The following DCUN1D5 variants were observed in gnomAD, a reference collection of about 807,000 sequenced individuals.
The protein encoded by DCUN1D5 is DCN1-like protein 5.
Under a neutral mutation model 38.3 loss-of-function variants are expected in DCUN1D5, and 10 were observed. The ratio of observed to expected loss-of-function variants is 0.26; its 90% CI spans 0.16 to 0.44. The LOEUF (loss-of-function observed/expected upper bound fraction) is 0.44, where lower values mean the gene tolerates loss of function less well. DCUN1D5 is among the 20% of genes least tolerant of loss of function. The probability of loss-of-function intolerance (pLI) is 1.00; values close to 1 mark genes in which losing one functional copy is unlikely to be tolerated. For synonymous variants in DCUN1D5, 93 were observed against 90.9 expected, an observed-to-expected ratio of 1.02 and a Z score of -0.13; for missense variants, 148 against 275.3, an observed-to-expected ratio of 0.54 and a Z score of 3.27.
At chr11:103,067,156 AAAC>A (rs1862154856) in intron 4 of DCUN1D5, among the ~76,000 whole-genome samples, 2 of 152,226 alleles carry the variant, frequency 1.3e-5, no homozygotes, top group African/African-American at 4.8e-5. Flanking sequence ...AAAAGCATGC[AAAC>A]AACAAGTCAT....
chr11:103,079,965 A>C (rs1862514088), intron 4 of DCUN1D5: 1 of 152,190 alleles, frequency 6.6e-6, no homozygotes, highest in Middle Eastern at 3.2e-3. Context: ...ATTCTTTCAC[A>C]CAAAAAGGAA....
In DCUN1D5 at chr11:103,091,957, T is replaced by A. The variant is rs554527970; in HGVS notation, c.-85A>T. 7 of 1,312,400 alleles carry A rather than the reference T, an allele frequency of 5.3e-6. No homozygotes were observed. Among genetic ancestry groups the A allele is most frequent in the East Asian group, 4.7e-5 (2 of 42,618 alleles). 81.3% of individuals were successfully genotyped at this position (1,312,400 alleles called of 1,614,324 possible). A position where few individuals can be genotyped will look rare whatever the true frequency, so the allele number is the denominator to read the frequency against. On this transcript the variant is annotated 5_prime_UTR_variant, in exon 1 of 8. Transcript: ENST00000260247. The surrounding 1 kb of genome is among the most constrained non-coding windows in gnomAD (Gnocchi z 4.3). ...GAAGCCCCTCAGCGCTGGCACCCAGTTCCCAGAGACAGCAGCAAGCGGAGG... is the reference window on the plus strand; with the variant it reads ...GAAGCCCCTCAGCGCTGGCACCCAGATCCCAGAGACAGCAGCAAGCGGAGG...
Position 103,066,573 on chromosome 11 carries a change from A to G in DCUN1D5, c.342-6T>C. On this transcript the variant is annotated splice_region_variant and splice_polypyrimidine_tract_variant and intron_variant, in intron 4 of 7. Coordinates refer to ENST00000260247, the MANE Select transcript of DCUN1D5 (RefSeq NM_032299.4). This position sits in a 1 kb window ranked among gnomAD's most constrained non-coding sequence, Gnocchi z 4.7. ...ACTTTTCTGTGCAGTCACACCTTAA[A>G]TAAAAGAAATATCAAACAAATTACA... 6.5e-7 allele frequency: 1 copy of G among 1,542,292 alleles called. No homozygotes were observed. Among genetic ancestry groups the G allele is most frequent in the South Asian group, 1.1e-5 (1 of 87,726 alleles).
At position 103,057,263 on chromosome 11, in the gene DCUN1D5, AGTTT is replaced by A. The variant is rs1291933382; in HGVS notation, c.*5092_*5095del. 5.9e-5 allele frequency among the ~76,000 whole-genome samples: 9 copies of A among 152,216 alleles called. No homozygotes were observed. The highest frequency in any genetic ancestry group is 1.9e-4 in the East Asian group (1 of 5,200). On this transcript the variant is annotated 3_prime_UTR_variant, in exon 8 of 8. Transcript: ENST00000260247. The surrounding 1 kb of genome is among the most constrained non-coding windows in gnomAD (Gnocchi z 4.8). Reference sequence around the variant, plus strand: ...TTAATTCTGCTAAGTTTGATAAGTTAGTTTAAGTCTCAAATGACAAGTTGCTCAA... The same window carrying A: ...TTAATTCTGCTAAGTTTGATAAGTTAAAGTCTCAAATGACAAGTTGCTCAA...
At position 103,066,517 on chromosome 11, in the gene DCUN1D5, T is replaced by C. The variant is rs920444569; in HGVS notation, c.392A>G (p.Gln131Arg). The change falls in exon 5 of 8, where the codon CAG becomes CGG. Residue 131 changes from glutamine to arginine, a missense_variant. Physicochemically the swap from Gln to Arg is conservative, Grantham distance 43. Coordinates refer to ENST00000260247, the MANE Select transcript of DCUN1D5 (RefSeq NM_032299.4). This position sits in a 1 kb window ranked among gnomAD's most constrained non-coding sequence, Gnocchi z 4.7. The stretch of plus-strand genomic sequence containing the variant: ...CTTAAATGACGAAATATCATTCAAC[T>C]GTGAGCGCAAAAAGTCAAATTTGTT... Reference protein sequence around the residue: ...LQNKFDFLRSQLNDISSFKNI... With the variant: ...LQNKFDFLRSRLNDISSFKNI... The C allele has an allele frequency of 6.2e-7, 1 of 1,612,790 alleles. No individual in the cohort carries two copies. Among genetic ancestry groups the C allele is most frequent in the African/African-American group, 1.3e-5 (1 of 74,900 alleles).
chr11:103,059,601 A>G lies in DCUN1D5; in HGVS notation c.*2758T>C, dbSNP rs1861960901. ...TATCAGCAGCATTTAAGAAATAAGA[A>G]ATCATTAGACAATAGAAGACAAACA... On this transcript the variant is annotated 3_prime_UTR_variant, in exon 8 of 8. Transcript: ENST00000260247. 6.6e-6 allele frequency among the ~76,000 whole-genome samples: 1 copy of G among 152,174 alleles called. No homozygotes were observed. Among genetic ancestry groups the G allele is most frequent in the African/African-American group, 2.4e-5 (1 of 41,450 alleles).
intron 2 of DCUN1D5, 91 bp downstream of exon 2, chr11:103,089,136 G>T: frequency 1.6e-6 from 2 of 1,279,774 alleles, no homozygotes; most frequent in African/African-American, 1.5e-5. Context: ...CTAACACATA[G>T]CAGGCCTGTA....
In DCUN1D5 at chr11:103,090,224, A is replaced by C. The variant is rs1862823334; in HGVS notation, c.87-906T>G. Among the ~76,000 whole-genome samples, 3 of 152,224 alleles carry C rather than the reference A, an allele frequency of 2.0e-5. 1 individual carries two copies. The South Asian group carries it at 6.2e-4, about 31-fold the overall frequency. On this transcript the variant is annotated intron_variant, in intron 1 of 7. Transcript: ENST00000260247. Reference sequence around the variant, plus strand: ...TTAACTTAAATAATTTTAATACATTATATACTTAAGATGGCCATGATATAG... The same window carrying C: ...TTAACTTAAATAATTTTAATACATTCTATACTTAAGATGGCCATGATATAG...
In DCUN1D5 at chr11:103,066,505, A is replaced by G. The variant is rs759170449; in HGVS notation, c.404T>C (p.Ile135Thr). 6.8e-6 allele frequency: 11 copies of G among 1,612,660 alleles called. No homozygotes were observed. Among genetic ancestry groups the G allele is most frequent in the Admixed American group, 1.7e-5 (1 of 59,868 alleles). The change falls in exon 5 of 8, where the codon ATT becomes ACT. Residue 135 changes from isoleucine to threonine, a missense_variant. Ile to Thr is a moderately conservative substitution (Grantham distance 89). Coordinates refer to ENST00000260247, the MANE Select transcript of DCUN1D5 (RefSeq NM_032299.4). The surrounding 1 kb of genome is among the most constrained non-coding windows in gnomAD (Gnocchi z 4.7). ...FDFLRSQLND[I>T]SSFKNIYRYA... ...TCTGTAGATATTCTTAAATGACGAA[A>G]TATCATTCAACTGTGAGCGCAAAAA...
chr11:103,088,234 A>C (rs1862762146), intron 2 of DCUN1D5, among the ~76,000 whole-genome samples: 1 of 152,196 alleles, frequency 6.6e-6, no homozygotes, highest in Non-Finnish European at 1.5e-5. Context: ...AGCACTAAAT[A>C]TAAGGCAATA....
rs1431208591 is a variant in DCUN1D5, at chr11:103,065,740, CA to C, written c.555+528del. Among the ~76,000 whole-genome samples, 4 of 152,034 alleles carry C rather than the reference CA, an allele frequency of 2.6e-5. No individual in the cohort carries two copies. Among genetic ancestry groups the C allele is most frequent in the Non-Finnish European group, 1.5e-5 (1 of 68,000 alleles). The stretch of plus-strand genomic sequence containing the variant: ...AAGAACACGTCATCATTTCAGCTTA[CA>C]TTTTTTTAGTAACCAGCATATTTAA... On this transcript the variant is annotated intron_variant, in intron 6 of 7. Transcript: ENST00000260247. This position sits in a 1 kb window ranked among gnomAD's most constrained non-coding sequence, Gnocchi z 4.6.
rs776674009 is a variant in DCUN1D5 at position 103,065,346 on chromosome 11, G to A, written c.555+923C>T. On this transcript the variant is annotated intron_variant, in intron 6 of 7. Transcript: ENST00000260247. The surrounding 1 kb of genome is among the most constrained non-coding windows in gnomAD (Gnocchi z 4.6). ...TTTTGTGTGTATTTTTAGTAGAGACGGGGATTCACCATGTTGGCCAGGCTG... is the reference window on the plus strand; with the variant it reads ...TTTTGTGTGTATTTTTAGTAGAGACAGGGATTCACCATGTTGGCCAGGCTG... Among the ~76,000 whole-genome samples, 14 of 152,064 alleles carry A rather than the reference G, an allele frequency of 9.2e-5. No homozygotes were observed. Among genetic ancestry groups the A allele is most frequent in the South Asian group, 6.2e-4 (3 of 4,824 alleles).
chr11:103,085,826 C>T (rs988706338), intron 2 of DCUN1D5, among the ~76,000 whole-genome samples: 1 of 152,200 alleles, frequency 6.6e-6, no homozygotes, highest in Non-Finnish European at 1.5e-5. Flanking sequence ...TTTGTTCATA[C>T]TATGAGTTCA....
rs1277225512 is a variant in DCUN1D5 at position 103,057,617 on chromosome 11, G to A, written c.*4742C>T. The stretch of plus-strand genomic sequence containing the variant: ...CATCTGTAATCCCAGCTACTTGGGA[G>A]GTTGACGCACGAGAATCTCTTGAAC... On this transcript the variant is annotated 3_prime_UTR_variant, in exon 8 of 8. Coordinates refer to ENST00000260247, the MANE Select transcript of DCUN1D5 (RefSeq NM_032299.4). This position sits in a 1 kb window ranked among gnomAD's most constrained non-coding sequence, Gnocchi z 4.8. Among the ~76,000 whole-genome samples, 3 of 152,022 alleles carry A rather than the reference G, an allele frequency of 2.0e-5. No homozygotes were observed. The East Asian group carries it at 5.8e-4, about 29-fold the overall frequency.
chr11:103,091,812 C>G lies in DCUN1D5; in HGVS notation c.61G>C (p.Gly21Arg), dbSNP rs1210983683. ...GVAAAVAEDG[G>R]LKKCKISSYC... ...CTGGAGATTTTACACTTTTTGAGGC[C>G]TCCGTCTTCCGCTACTGCTGCTGCC... The change falls in exon 1 of 8, where the codon GGC becomes CGC. Residue 21 changes from glycine to arginine, a missense_variant. Transcript: ENST00000260247. This position sits in a 1 kb window ranked among gnomAD's most constrained non-coding sequence, Gnocchi z 4.3. The G allele has an allele frequency of 3.1e-6, 5 of 1,613,982 alleles. No individual in the cohort carries two copies. Among genetic ancestry groups the G allele is most frequent in the Non-Finnish European group, 4.2e-6 (5 of 1,179,978 alleles).
At chr11:103,079,566 C>G (rs2513995) in intron 4 of DCUN1D5, among the ~76,000 whole-genome samples, 48,341 of 151,454 alleles carry the variant, frequency 0.32, 8,575 homozygotes, top group African/African-American at 0.49. Context: ...CAAGCTGGAG[C>G]ATCACTTGAG....
rs907447104 is a variant in DCUN1D5 at position 103,077,417 on chromosome 11, T to C, written c.341+5331A>G. 3.3e-5 allele frequency among the ~76,000 whole-genome samples: 5 copies of C among 152,164 alleles called. No individual in the cohort carries two copies. The highest frequency in any genetic ancestry group is 6.5e-5 in the Admixed American group (1 of 15,282). On this transcript the variant is annotated intron_variant, in intron 4 of 7. Coordinates refer to ENST00000260247, the MANE Select transcript of DCUN1D5 (RefSeq NM_032299.4). This position sits in a 1 kb window ranked among gnomAD's most constrained non-coding sequence, Gnocchi z 4.3. Reference sequence around the variant, plus strand: ...CTCCGAAATAAAAAGAAATGCATACTTAACTAGCGTACTATGGAAAGCAAG... The same window carrying C: ...CTCCGAAATAAAAAGAAATGCATACCTAACTAGCGTACTATGGAAAGCAAG...
chr11:103,074,772 C>T lies in DCUN1D5; in HGVS notation c.341+7976G>A, dbSNP rs189849992. Among the ~76,000 whole-genome samples, 125 of 152,274 alleles carry T rather than the reference C, an allele frequency of 8.2e-4. 1 individual carries two copies. The highest frequency in any genetic ancestry group is 2.6e-3 in the African/African-American group (110 of 41,544). On this transcript the variant is annotated intron_variant, in intron 4 of 7. Transcript: ENST00000260247. ...GGAGTCTGATATCTGAGACCATTCT[C>T]TTTTCTGTAACCACAGAGTTGTCTT...
chr11:103,069,559 G>A (rs1862220170), intron 4 of DCUN1D5, among the ~76,000 whole-genome samples: 1 of 152,178 alleles, frequency 6.6e-6, no homozygotes, highest in Admixed American at 6.5e-5. Context: ...TTGCCAGGTA[G>A]TAACAAGCAG....
Sources: allele counts gnomAD v4.1 joint callset (sites outside exome capture counted in the v4.1 genomes callset), GRCh38; gene constraint gnomAD v4.1.1; non-coding constraint Gnocchi (gnomAD v3.1); transcripts MANE v1.5; gene names NCBI Gene and HGNC (gene_info 2026-07-23, HGNC 2026-07-21).